Variants in CCSER1 observed in about 807,000 individuals in gnomAD.
CCSER1 encodes coiled-coil serine rich protein 1.
CCSER1 carries 41 observed loss-of-function variants against 82.0 expected under a neutral mutation model. That is an observed-to-expected ratio of 0.50 (90% CI 0.39 to 0.65). The LOEUF is 0.65. CCSER1 is among the 30% of genes least tolerant of loss of function. The pLI, the probability that CCSER1 is intolerant of heterozygous loss-of-function variation, is 0.00. For synonymous variants in CCSER1, 414 were observed against 383.9 expected, an observed-to-expected ratio of 1.08 and a Z score of -0.92; for missense variants, 1,119 against 1,064.2, an observed-to-expected ratio of 1.05 and a Z score of -0.72.
At chr4:90,614,074 A>C (rs1720752695) in intron 5 of CCSER1, among the ~76,000 whole-genome samples, 2 of 152,176 alleles carry the variant, frequency 1.3e-5, no homozygotes, top group South Asian at 4.1e-4. Context: ...ACCTGTGCTC[A>C]CTGTGTCTCT....
intron 10 of CCSER1, among the ~76,000 whole-genome samples, chr4:91,338,973 T>C (rs1306894681): frequency 6.6e-6 from 1 of 152,206 alleles, no homozygotes; most frequent in Non-Finnish European, 1.5e-5. Flanking sequence ...CACTGTTCCT[T>C]TACCATTCAA....
At chr4:91,474,350 T>C (rs1223544531) in intron 10 of CCSER1, among the ~76,000 whole-genome samples, 1 of 151,956 alleles carries the variant, frequency 6.6e-6, no homozygotes, top group Non-Finnish European at 1.5e-5. Context: ...TAATAAATTT[T>C]TATTTCTTAT....
chr4:90,150,102 A>G (rs1726535423), intron 1 of CCSER1, among the ~76,000 whole-genome samples: 2 of 152,118 alleles, frequency 1.3e-5, no homozygotes, highest in South Asian at 4.1e-4. Flanking sequence ...ACATGGATTG[A>G]ATATATTCGT....
At chr4:91,063,999 A>T (rs557611801) in intron 9 of CCSER1, among the ~76,000 whole-genome samples, 2 of 152,164 alleles carry the variant, frequency 1.3e-5, no homozygotes, top group Non-Finnish European at 2.9e-5. Context: ...AACATAACTT[A>T]ATCTTTTTAA....
chr4:90,648,795 T>C (rs763430667), intron 6 of CCSER1, among the ~76,000 whole-genome samples: 10 of 152,194 alleles, frequency 6.6e-5, no homozygotes, highest in Admixed American at 1.3e-4. Flanking sequence ...TATTTTGTTA[T>C]GGCAGCCCTA....
At chr4:91,342,619 A>G (rs190812980) in intron 10 of CCSER1, among the ~76,000 whole-genome samples, 1 of 152,244 alleles carries the variant, frequency 6.6e-6, no homozygotes, top group East Asian at 1.9e-4. Flanking sequence ...TAGGGTTTTC[A>G]GTGTCTCATT....
chr4:90,208,337 G>A (rs1352668717), intron 1 of CCSER1, among the ~76,000 whole-genome samples: 2 of 152,144 alleles, frequency 1.3e-5, no homozygotes, highest in Non-Finnish European at 2.9e-5. Flanking sequence ...CTCAGTAATG[G>A]CAGATGCCCC....
chr4:91,039,461 A>C (rs1741735175), intron 9 of CCSER1, among the ~76,000 whole-genome samples: 1 of 152,096 alleles, frequency 6.6e-6, no homozygotes, highest in Non-Finnish European at 1.5e-5. Flanking sequence ...ATACCAGTAA[A>C]TTATGGCTAT....
chr4:91,141,627 T>C (rs1729040568), intron 10 of CCSER1, among the ~76,000 whole-genome samples: 1 of 152,188 alleles, frequency 6.6e-6, no homozygotes, highest in African/African-American at 2.4e-5. Context: ...AATTTTTTTT[T>C]CCTTTGGGTA....
intron 10 of CCSER1, among the ~76,000 whole-genome samples, chr4:91,169,201 TAAAAAAA>T (rs57715555): frequency 7.3e-5 from 9 of 123,008 alleles, no homozygotes; most frequent in Admixed American, 1.6e-4. Context: ...CAATAAATAC[TAAAAAAA>T]AAAAAAAAAA....
intron 3 of CCSER1, among the ~76,000 whole-genome samples, chr4:90,357,245 C>A (rs1006024481): frequency 1.7e-4 from 26 of 151,874 alleles, no homozygotes; most frequent in African/African-American, 6.3e-4. Context: ...TTCCCCATAG[C>A]AGGTATAGGC....
chr4:90,395,050 A>G (rs1005331278), intron 3 of CCSER1, among the ~76,000 whole-genome samples: 3 of 152,188 alleles, frequency 2.0e-5, no homozygotes, highest in East Asian at 1.9e-4. Flanking sequence ...GAGGCTTTGT[A>G]CTTTTGTCCT....
At chr4:91,294,794 C>T (rs1744032866) in intron 10 of CCSER1, among the ~76,000 whole-genome samples, 1 of 151,854 alleles carries the variant, frequency 6.6e-6, no homozygotes, top group Non-Finnish European at 1.5e-5. Flanking sequence ...ACATCCTTAG[C>T]CTAATTACAT....
Position 91,605,032 on chromosome 4 carries a change from T to C in CCSER1, c.*5975T>C, listed in dbSNP as rs1460846519. 6.6e-6 allele frequency: 1 copy of C among 151,980 alleles called. No individual in the cohort carries two copies. The highest frequency in any genetic ancestry group is 6.6e-5 in the Admixed American group (1 of 15,256). The allele number at this position is 151,980 out of a possible 1,614,324, so 9.4% of individuals were successfully genotyped here. ...GATTATTAACATTGATAATAGTTTT[T>C]TTAATTCATCATCTCTAAAACTCTA... On this transcript the variant is annotated 3_prime_UTR_variant, in exon 11 of 11. Transcript: ENST00000509176.
chr4:90,843,399 A>G (rs761596010), intron 8 of CCSER1, among the ~76,000 whole-genome samples: 1 of 152,194 alleles, frequency 6.6e-6, no homozygotes, highest in Non-Finnish European at 1.5e-5. Flanking sequence ...TAGGCCTCAA[A>G]TAGTTTAAAG....
At chr4:90,913,106 G>A in intron 8 of CCSER1, among the ~76,000 whole-genome samples, 1 of 152,134 alleles carries the variant, frequency 6.6e-6, no homozygotes, top group Non-Finnish European at 1.5e-5. Context: ...TAGCAAGGCA[G>A]GCCAACAATC....
intron 9 of CCSER1, among the ~76,000 whole-genome samples, chr4:91,085,225 T>C (rs1196915640): frequency 6.6e-6 from 1 of 152,072 alleles, no homozygotes; most frequent in African/African-American, 2.4e-5. Flanking sequence ...AGATAAATAC[T>C]TTGACTTTAA....
chr4:91,501,614 G>T (rs76180054), intron 10 of CCSER1, among the ~76,000 whole-genome samples: 1 of 151,800 alleles, frequency 6.6e-6, no homozygotes, highest in Non-Finnish European at 1.5e-5. Context: ...CATAAAAATT[G>T]TAGTTTCACA....
chr4:91,361,810 T>C (rs1317060236), intron 10 of CCSER1, among the ~76,000 whole-genome samples: 4 of 151,848 alleles, frequency 2.6e-5, no homozygotes, highest in African/African-American at 7.2e-5. Flanking sequence ...AACTATGGCC[T>C]AACTACTGTA....
Sources: gnomAD v4.1 joint callset for allele counts (sites outside exome capture counted in the v4.1 genomes callset) on GRCh38, gnomAD v4.1.1 for gene constraint, MANE v1.5 for transcripts, NCBI Gene and HGNC (gene_info 2026-07-23, HGNC 2026-07-21) for gene names.